PCCA: variants seen among roughly 807,000 people sequenced by gnomAD.
The protein encoded by PCCA is propionyl-CoA carboxylase subunit alpha.
A neutral mutation model predicts 101.3 loss-of-function variants in PCCA; 74 were observed. The ratio of observed to expected loss-of-function variants is 0.73; its 90% CI spans 0.61 to 0.89. PCCA has a LOEUF of 0.89. PCCA is among the 40% of genes least tolerant of loss of function. PCCA has a pLI of 0.00. For missense variants in PCCA, 891 were observed against 907.0 expected (o/e 0.98, Z 0.23); for synonymous variants, 294 against 313.6 (o/e 0.94, Z 0.66).
rs769657782 is a variant in PCCA, at chr13:100,301,420, C to T, written c.1066-40C>T. The T allele has an allele frequency of 2.5e-6, 4 of 1,611,334 alleles. No individual in the cohort carries two copies. In the African/African-American group the frequency reaches 5.3e-5, roughly 22 times the overall value. ...TCTTGTTTGTTTCTATTTATTTACCCTTTTCTACACCTACTGACTGGCAGA... is the reference window on the plus strand; with the variant it reads ...TCTTGTTTGTTTCTATTTATTTACCTTTTTCTACACCTACTGACTGGCAGA... On this transcript the variant is annotated intron_variant, in intron 12 of 23. Coordinates refer to ENST00000376285, the MANE Select transcript of PCCA (RefSeq NM_000282.4).
intron 6 of PCCA, among the ~76,000 whole-genome samples, chr13:100,163,622 T>C (rs967861601): frequency 6.6e-6 from 1 of 152,236 alleles, no homozygotes; most frequent in African/African-American, 2.4e-5. Flanking sequence ...ATTTAATTCA[T>C]GTGTCATCAG....
intron 6 of PCCA, among the ~76,000 whole-genome samples, chr13:100,199,783 T>G (rs1459903421): frequency 6.6e-6 from 1 of 152,224 alleles, no homozygotes; most frequent in Non-Finnish European, 1.5e-5. Flanking sequence ...CATTTACTGT[T>G]TTATTACCAC....
intron 20 of PCCA, among the ~76,000 whole-genome samples, chr13:100,429,532 GTATTAAATATTAC>G (rs1181007619): frequency 6.6e-6 from 1 of 151,474 alleles, no homozygotes; most frequent in Non-Finnish European, 1.5e-5. Flanking sequence ...TTCTTAAATA[GTATTAAATATTAC>G]TATTTATCAT....
intron 18 of PCCA, among the ~76,000 whole-genome samples, chr13:100,345,294 A>T (rs1394928933): frequency 3.3e-5 from 5 of 152,260 alleles, no homozygotes; most frequent in Admixed American, 2.0e-4. Context: ...CTTGAAGGAA[A>T]TTAAAAGTGC....
intron 21 of PCCA, among the ~76,000 whole-genome samples, chr13:100,474,258 G>T (rs1363655044): frequency 6.6e-6 from 1 of 152,072 alleles, no homozygotes; most frequent in Non-Finnish European, 1.5e-5. Flanking sequence ...TTGACTTTTA[G>T]TGGAATTTCC....
chr13:100,524,857 C>A (rs910884574), intron 22 of PCCA, among the ~76,000 whole-genome samples: 1 of 151,932 alleles, frequency 6.6e-6, no homozygotes, highest in Non-Finnish European at 1.5e-5. Flanking sequence ...GGGCAACAGA[C>A]CGAGATTCTG....
At chr13:100,452,430 T>C (rs9518076) in intron 21 of PCCA, among the ~76,000 whole-genome samples, 1 of 152,182 alleles carries the variant, frequency 6.6e-6, no homozygotes, top group African/African-American at 2.4e-5. Context: ...GTTGGCCTTG[T>C]TGCTCTTCTT....
intron 6 of PCCA, among the ~76,000 whole-genome samples, chr13:100,176,008 G>A (rs77494255): frequency 0.018 from 2,726 of 152,298 alleles, 30 homozygotes; most frequent in Middle Eastern, 0.041. Context: ...AAGTCTGATC[G>A]TTATGCAATG....
At chr13:100,478,270 A>G (rs1365272092) in intron 21 of PCCA, among the ~76,000 whole-genome samples, 1 of 152,192 alleles carries the variant, frequency 6.6e-6, no homozygotes, top group East Asian at 1.9e-4. Flanking sequence ...GTCTGTCGCC[A>G]TTGTGGCCTG....
intron 20 of PCCA, among the ~76,000 whole-genome samples, chr13:100,440,496 A>G (rs1293586271): frequency 6.6e-6 from 1 of 151,794 alleles, no homozygotes; most frequent in East Asian, 1.9e-4. Context: ...CACACCCTCC[A>G]AGAATAAACT....
At chr13:100,135,082 T>G (rs1040023451) in intron 4 of PCCA, among the ~76,000 whole-genome samples, 1 of 151,928 alleles carries the variant, frequency 6.6e-6, no homozygotes, top group Non-Finnish European at 1.5e-5. Context: ...GTGTAATTTT[T>G]TTTTGGAGAC....
chr13:100,488,256 G>T (rs1372211291), intron 21 of PCCA, among the ~76,000 whole-genome samples: 1 of 152,072 alleles, frequency 6.6e-6, no homozygotes, highest in Non-Finnish European at 1.5e-5. Flanking sequence ...ACCATGCACG[G>T]CTAATTTTGC....
chr13:100,135,822 A>C (rs2051092494), intron 4 of PCCA, among the ~76,000 whole-genome samples: 1 of 152,114 alleles, frequency 6.6e-6, no homozygotes, highest in South Asian at 2.1e-4. Context: ...TATCAGGTTG[A>C]GGAAGATCCT....
intron 10 of PCCA, among the ~76,000 whole-genome samples, chr13:100,263,805 A>G (rs1362055086): frequency 2.2e-5 from 3 of 139,008 alleles, no homozygotes; most frequent in Middle Eastern, 3.4e-3. Flanking sequence ...TATCATATAT[A>G]CAGTATCTGT....
At chr13:100,491,859 A>G (rs1201347043) in intron 21 of PCCA, 1 of 798,412 alleles carries the variant, frequency 1.3e-6, no homozygotes, top group Non-Finnish European at 1.6e-6. Context: ...ATTTTAGTGA[A>G]TATGAGTTAA....
chr13:100,192,462 T>G (rs2057801555), intron 6 of PCCA, among the ~76,000 whole-genome samples: 1 of 152,194 alleles, frequency 6.6e-6, no homozygotes, highest in Non-Finnish European at 1.5e-5. Flanking sequence ...CAAAGGCGTA[T>G]AAAATTGAAA....
intron 17 of PCCA, among the ~76,000 whole-genome samples, chr13:100,337,619 A>G (rs1333905191): frequency 1.3e-5 from 2 of 152,228 alleles, no homozygotes; most frequent in Admixed American, 6.5e-5. Flanking sequence ...GTTGATGTGC[A>G]TCATATCAGT....
At chr13:100,220,201 G>A (rs1332577343) in intron 7 of PCCA, among the ~76,000 whole-genome samples, 1 of 152,100 alleles carries the variant, frequency 6.6e-6, no homozygotes, top group African/African-American at 2.4e-5. Context: ...TGTTTTCACA[G>A]GAAAGATTTT....
At chr13:100,119,911 G>A (rs1020003350) in intron 4 of PCCA, among the ~76,000 whole-genome samples, 7 of 151,818 alleles carry the variant, frequency 4.6e-5, no homozygotes, top group Non-Finnish European at 8.8e-5. Context: ...TGCTCTTGTT[G>A]TCCAGGCTGG....
Sources: gnomAD v4.1 joint callset for allele counts (sites outside exome capture counted in the v4.1 genomes callset) on GRCh38, gnomAD v4.1.1 for gene constraint, MANE v1.5 for transcripts, NCBI Gene and HGNC (gene_info 2026-07-23, HGNC 2026-07-21) for gene names.